SPPL3: variants seen among roughly 807,000 people sequenced by gnomAD.
SPPL3 encodes signal peptide peptidase-like 3.
SPPL3 carries 5 observed loss-of-function variants against 42.4 expected under a neutral mutation model. The ratio of observed to expected loss-of-function variants is 0.12; its 90% CI spans 0.06 to 0.25. The LOEUF (loss-of-function observed/expected upper bound fraction) is 0.25, where lower values mean the gene tolerates loss of function less well. Ranked by LOEUF, SPPL3 falls within the 10% of genes least tolerant of loss-of-function variation. The probability of loss-of-function intolerance (pLI) is 1.00; values close to 1 mark genes in which losing one functional copy is unlikely to be tolerated. For missense variants in SPPL3, 235 were observed against 489.0 expected (o/e 0.48, Z 4.90); for synonymous variants, 195 against 181.8 (o/e 1.07, Z -0.58).
At chr12:120,851,696 C>T (rs1178767449) in intron 1 of SPPL3, among the ~76,000 whole-genome samples, 1 of 152,088 alleles carries the variant, frequency 6.6e-6, no homozygotes, top group Non-Finnish European at 1.5e-5. Context: ...CTTGACCTCC[C>T]CGGGTCAGGT....
At position 120,902,210 on chromosome 12, in the gene SPPL3, A is replaced by G. The variant is rs560806846; in HGVS notation, c.23+1635T>C. 1.0e-3 allele frequency among the ~76,000 whole-genome samples: 153 copies of G among 152,302 alleles called. 1 individual carries two copies. The highest frequency in any genetic ancestry group is 3.5e-3 in the African/African-American group (147 of 41,578). The stretch of plus-strand genomic sequence containing the variant: ...AGAGCACGTGTTCACCAAGATTTTA[A>G]TTCTTCCTTTAGGGTTACTTTGTCT... On this transcript the variant is annotated intron_variant, in intron 1 of 10. Coordinates refer to ENST00000353487, the MANE Select transcript of SPPL3 (RefSeq NM_139015.5).
intron 1 of SPPL3, among the ~76,000 whole-genome samples, chr12:120,874,460 A>AG (rs1452284062): frequency 6.6e-6 from 1 of 151,732 alleles, no homozygotes; most frequent in East Asian, 1.9e-4. Flanking sequence ...CGCAAAAAAA[A>AG]AAAAAAAAAA....
intron 1 of SPPL3, among the ~76,000 whole-genome samples, chr12:120,859,897 C>T (rs1275263835): frequency 1.3e-5 from 2 of 151,912 alleles, no homozygotes; most frequent in Non-Finnish European, 2.9e-5. Flanking sequence ...GAGCCAAGAT[C>T]GCGCCACTGC....
intron 1 of SPPL3, among the ~76,000 whole-genome samples, chr12:120,852,719 T>A (rs7138735): frequency 6.0e-4 from 4 of 6,640 alleles, no homozygotes; most frequent in Admixed American, 5.0e-3. Context: ...TGAAATATAT[T>A]TTATATATAA....
At chr12:120,791,111 C>T (rs1011231119) in intron 3 of SPPL3, among the ~76,000 whole-genome samples, 5 of 151,722 alleles carry the variant, frequency 3.3e-5, no homozygotes, top group African/African-American at 7.3e-5. Flanking sequence ...GGAGACACTG[C>T]GCCTGGATAT....
intron 6 of SPPL3, 56 bp downstream of exon 6, chr12:120,782,599 G>A (rs1217245765): frequency 9.2e-6 from 12 of 1,303,710 alleles, no homozygotes; most frequent in Admixed American, 4.0e-5. Context: ...ATATCCTAAA[G>A]TATCTATAAA....
At chr12:120,830,559 AGGGGTGG>A (rs1871386989) in intron 1 of SPPL3, among the ~76,000 whole-genome samples, 1 of 2,250 alleles carries the variant, frequency 4.4e-4, no homozygotes, top group African/African-American at 1.5e-3. Flanking sequence ...GGGGAGGGGG[AGGGGTGG>A]GGGAGGGGGG....
intron 1 of SPPL3, among the ~76,000 whole-genome samples, chr12:120,830,226 G>T (rs1226846420): frequency 8.9e-6 from 1 of 112,852 alleles, no homozygotes; most frequent in Non-Finnish European, 1.8e-5. Context: ...AGCCAAAGAT[G>T]ACTACGACCA....
chr12:120,842,242 C>G (rs1871857052), intron 1 of SPPL3, among the ~76,000 whole-genome samples: 1 of 152,148 alleles, frequency 6.6e-6, no homozygotes, highest in South Asian at 2.1e-4. Context: ...TTATAAACAT[C>G]CCCTGAAGGT....
intron 1 of SPPL3, among the ~76,000 whole-genome samples, chr12:120,891,599 A>C (rs1366788825): frequency 6.6e-6 from 1 of 152,200 alleles, no homozygotes; most frequent in East Asian, 1.9e-4. Context: ...CTGAAATAGT[A>C]GTGAGAGAGA....
At chr12:120,829,209 A>G (rs1234668193) in intron 1 of SPPL3, among the ~76,000 whole-genome samples, 3 of 152,222 alleles carry the variant, frequency 2.0e-5, no homozygotes, top group Admixed American at 6.5e-5. Context: ...GAAAACAGAA[A>G]AATCTTTGTG....
At chr12:120,848,380 T>C (rs1872114039) in intron 1 of SPPL3, among the ~76,000 whole-genome samples, 1 of 152,114 alleles carries the variant, frequency 6.6e-6, no homozygotes, top group Non-Finnish European at 1.5e-5. Flanking sequence ...ATTCTCACAA[T>C]CACAGAATTA....
chr12:120,836,102 C>T (rs976007196), intron 1 of SPPL3, among the ~76,000 whole-genome samples: 10 of 152,172 alleles, frequency 6.6e-5, no homozygotes, highest in African/African-American at 2.4e-4. Flanking sequence ...TTGGAGTGTG[C>T]ACCACATTGT....
chr12:120,872,136 G>A (rs1304702989), intron 1 of SPPL3, among the ~76,000 whole-genome samples: 1 of 152,146 alleles, frequency 6.6e-6, no homozygotes, highest in Non-Finnish European at 1.5e-5. Flanking sequence ...TTTTATCATT[G>A]TATTGTTATT....
chr12:120,877,785 A>G (rs955911790), intron 1 of SPPL3, among the ~76,000 whole-genome samples: 1 of 149,198 alleles, frequency 6.7e-6, no homozygotes, highest in African/African-American at 2.5e-5. Flanking sequence ...CCGTCTTAAA[A>G]AAAAAAAAGA....
intron 1 of SPPL3, among the ~76,000 whole-genome samples, chr12:120,833,822 A>G (rs898297530): frequency 5.3e-5 from 8 of 151,048 alleles, no homozygotes; most frequent in African/African-American, 1.7e-4. Flanking sequence ...GTTTCAAGTG[A>G]CAGAGGAATA....
At chr12:120,810,210 G>A (rs926787108) in intron 2 of SPPL3, among the ~76,000 whole-genome samples, 5 of 152,010 alleles carry the variant, frequency 3.3e-5, no homozygotes, top group Non-Finnish European at 7.4e-5. Flanking sequence ...TTGAACTCCT[G>A]GGCTCAAGCA....
chr12:120,831,134 T>C (rs1871414484), intron 1 of SPPL3, among the ~76,000 whole-genome samples: 1 of 152,120 alleles, frequency 6.6e-6, no homozygotes. Flanking sequence ...ATTCCCACTC[T>C]TGATTCCTGG....
intron 1 of SPPL3, chr12:120,845,394 G>A (rs976592441): frequency 4.3e-5 from 16 of 372,930 alleles, no homozygotes; most frequent in Admixed American, 4.2e-4. Context: ...CAAAAATCAG[G>A]CCTGTGTGTT....
Sources: allele counts gnomAD v4.1 joint callset (sites outside exome capture counted in the v4.1 genomes callset), GRCh38; gene constraint gnomAD v4.1.1; transcripts MANE v1.5; gene names NCBI Gene and HGNC (gene_info 2026-07-23, HGNC 2026-07-21).